Variants in ENOX1 observed in about 807,000 individuals in gnomAD.
ENOX1 encodes the protein candidate growth-related and time keeping constitutive hydroquinone (NADH) oxidase.
A neutral mutation model predicts 82.5 loss-of-function variants in ENOX1; 42 were observed. That is an observed-to-expected ratio of 0.51 (90% CI 0.40 to 0.66). The LOEUF (loss-of-function observed/expected upper bound fraction) is 0.66, where lower values mean the gene tolerates loss of function less well. ENOX1 is among the 30% of genes least tolerant of loss of function. The pLI, the probability that ENOX1 is intolerant of heterozygous loss-of-function variation, is 0.00. For missense variants in ENOX1, 608 were observed against 811.6 expected (o/e 0.75, Z 3.05); for synonymous variants, 271 against 282.2 (o/e 0.96, Z 0.40).
rs146543387 is a variant in ENOX1, at chr13:43,768,614, C to T, written c.-285+18038G>A. ...CCAGACTGGGCAACAAAGCAAGATACTGTCTCTTAAAACATAAATAAATAT... is the reference window on the plus strand; with the variant it reads ...CCAGACTGGGCAACAAAGCAAGATATTGTCTCTTAAAACATAAATAAATAT... On this transcript the variant is annotated intron_variant, in intron 1 of 16. Coordinates refer to ENST00000690772, the MANE Select transcript of ENOX1 (RefSeq NM_001347969.2). Among the ~76,000 whole-genome samples the T allele has an allele frequency of 2.8e-3, 430 of 152,164 alleles. 4 individuals carry two copies. Among genetic ancestry groups the T allele is most frequent in the East Asian group, 1.9e-3 (10 of 5,196 alleles).
At chr13:43,625,250 A>AT (rs1027741497) in intron 2 of ENOX1, among the ~76,000 whole-genome samples, 45 of 152,022 alleles carry the variant, frequency 3.0e-4, no homozygotes, top group African/African-American at 9.4e-4. Flanking sequence ...TAACTCCAGG[A>AT]TTTTTTTATA....
intron 1 of ENOX1, among the ~76,000 whole-genome samples, chr13:43,756,099 C>T (rs1950625484): frequency 6.6e-6 from 1 of 152,088 alleles, no homozygotes; most frequent in African/African-American, 2.4e-5. Context: ...CTGAATTGTT[C>T]CTGGTGAGAA....
At chr13:43,350,093 G>A (rs1377140094) in intron 8 of ENOX1, among the ~76,000 whole-genome samples, 1 of 152,196 alleles carries the variant, frequency 6.6e-6, no homozygotes, top group East Asian at 1.9e-4. Flanking sequence ...AACATAAATT[G>A]TGGCAAACTG....
intron 2 of ENOX1, 141 bp from the exon 3 acceptor site, chr13:43,484,293 T>A: frequency 2.8e-6 from 1 of 357,448 alleles, no homozygotes; most frequent in Non-Finnish European, 3.9e-6. Flanking sequence ...ATCATCTTAT[T>A]CATCAATGGC....
At chr13:43,389,459 T>C (rs2052632506) in intron 5 of ENOX1, among the ~76,000 whole-genome samples, 2 of 152,200 alleles carry the variant, frequency 1.3e-5, no homozygotes, top group Admixed American at 1.3e-4. Flanking sequence ...TTTGGAAATA[T>C]CAAAATTTAA....
At position 43,668,428 on chromosome 13, in the gene ENOX1, C is replaced by T. The variant is rs540412018; in HGVS notation, c.-284-884G>A. Among the ~76,000 whole-genome samples the T allele has an allele frequency of 9.2e-5, 14 of 152,250 alleles. No individual in the cohort carries two copies. In the South Asian group the frequency reaches 2.3e-3, roughly 25 times the overall value. On this transcript the variant is annotated intron_variant, in intron 1 of 16. Coordinates refer to ENST00000690772, the MANE Select transcript of ENOX1 (RefSeq NM_001347969.2). ...TCACAATTCCTCTATTATAATTGCACGAATCTGGAAACAAATATTCTACTA... is the reference window on the plus strand; with the variant it reads ...TCACAATTCCTCTATTATAATTGCATGAATCTGGAAACAAATATTCTACTA...
At chr13:43,743,291 T>C (rs1340881381) in intron 1 of ENOX1, among the ~76,000 whole-genome samples, 1 of 152,132 alleles carries the variant, frequency 6.6e-6, no homozygotes, top group African/African-American at 2.4e-5. Context: ...AAAAAAATAA[T>C]TAACTGTGAG....
intron 12 of ENOX1, among the ~76,000 whole-genome samples, 199 bp downstream of exon 12, chr13:43,298,147 A>C (rs1248990223): frequency 2.0e-5 from 3 of 152,172 alleles, no homozygotes; most frequent in Non-Finnish European, 4.4e-5. Flanking sequence ...GATTTCTTCA[A>C]CATATTTTAT....
chr13:43,412,408 T>C (rs2054189935), intron 4 of ENOX1, among the ~76,000 whole-genome samples: 2 of 152,212 alleles, frequency 1.3e-5, no homozygotes, highest in African/African-American at 4.8e-5. Context: ...AACAAGTTAA[T>C]TGGCTTACTG....
At chr13:43,345,697 A>T (rs913670499) in intron 8 of ENOX1, among the ~76,000 whole-genome samples, 1 of 152,230 alleles carries the variant, frequency 6.6e-6, no homozygotes, top group African/African-American at 2.4e-5. Flanking sequence ...CTGAAGGCTC[A>T]TTGCCTACTT....
chr13:43,591,255 G>T (rs1007170570), intron 2 of ENOX1, among the ~76,000 whole-genome samples: 2 of 152,096 alleles, frequency 1.3e-5, no homozygotes, highest in Non-Finnish European at 2.9e-5. Flanking sequence ...TGAATCAAGA[G>T]ATCATTAAAA....
chr13:43,347,900 G>A (rs2049495918), intron 8 of ENOX1, among the ~76,000 whole-genome samples: 1 of 152,178 alleles, frequency 6.6e-6, no homozygotes, highest in Non-Finnish European at 1.5e-5. Context: ...ATGATGGAGT[G>A]AATATAAATC....
At chr13:43,417,228 CGGGAGACGGGAGACGGGAGAGGGAGA>C (rs1566170151) in intron 3 of ENOX1, among the ~76,000 whole-genome samples, 2 of 24,850 alleles carry the variant, frequency 8.0e-5, no homozygotes, top group African/African-American at 1.8e-4. Flanking sequence ...AGACGGGAGA[CGGGAGACGGGAGACGGGAGAGGGAGA>C]GGGAGAGGGA....
intron 5 of ENOX1, among the ~76,000 whole-genome samples, chr13:43,399,796 AT>A (rs1254526450): frequency 6.6e-6 from 1 of 151,944 alleles, no homozygotes; most frequent in African/African-American, 2.4e-5. Flanking sequence ...TGAAGGAAAA[AT>A]TTTTTCTCCT....
Position 43,443,003 on chromosome 13 carries a change from T to C in ENOX1, c.-74-30015A>G, listed in dbSNP as rs192877375. 1.6e-3 allele frequency among the ~76,000 whole-genome samples: 240 copies of C among 152,328 alleles called. 1 individual carries two copies. The highest frequency in any genetic ancestry group is 2.3e-3 in the South Asian group (11 of 4,822). On this transcript the variant is annotated intron_variant, in intron 3 of 16. Transcript: ENST00000690772. ...TGCCAGGAGAATTTTGACTGGAATA[T>C]AGAAATGCCTTTATCATTCTGGGAA...
intron 1 of ENOX1, among the ~76,000 whole-genome samples, chr13:43,691,809 T>C (rs1594429650): frequency 6.6e-6 from 1 of 151,558 alleles, no homozygotes; most frequent in Non-Finnish European, 1.5e-5. Context: ...CAAGCGATTC[T>C]CCTGCCACAG....
chr13:43,242,060 ATGT>A (rs1469671683), intron 14 of ENOX1, among the ~76,000 whole-genome samples: 4 of 152,166 alleles, frequency 2.6e-5, no homozygotes, highest in Non-Finnish European at 5.9e-5. Context: ...TCTTGAATAC[ATGT>A]TGTCCACCTG....
At chr13:43,458,069 T>C (rs1365717164) in intron 3 of ENOX1, among the ~76,000 whole-genome samples, 1 of 152,226 alleles carries the variant, frequency 6.6e-6, no homozygotes, top group Non-Finnish European at 1.5e-5. Flanking sequence ...TCAAATTATG[T>C]AGTCCTCTAT....
At chr13:43,304,549 C>T (rs757274078) in intron 11 of ENOX1, among the ~76,000 whole-genome samples, 1 of 152,146 alleles carries the variant, frequency 6.6e-6, no homozygotes, top group Non-Finnish European at 1.5e-5. Flanking sequence ...CAATTTCTGG[C>T]TCTATCTGGG....
Sources: gnomAD v4.1 joint callset for allele counts (sites outside exome capture counted in the v4.1 genomes callset) on GRCh38, gnomAD v4.1.1 for gene constraint, MANE v1.5 for transcripts, NCBI Gene and HGNC (gene_info 2026-07-23, HGNC 2026-07-21) for gene names.